PARP8: variants seen among roughly 807,000 people sequenced by gnomAD.
PARP8 encodes the protein poly(ADP-ribose) polymerase family member 8, also known as protein mono-ADP-ribosyltransferase PARP8.
Under a neutral mutation model 124.1 loss-of-function variants are expected in PARP8, and 51 were observed. That is an observed-to-expected ratio of 0.41 (90% confidence interval 0.33 to 0.52). PARP8 has a LOEUF of 0.52. PARP8 is among the 20% of genes least tolerant of loss of function. The pLI, the probability that PARP8 is intolerant of heterozygous loss-of-function variation, is 0.21. For synonymous variants in PARP8, 391 were observed against 361.5 expected, an observed-to-expected ratio of 1.08 and a Z score of -0.93; for missense variants, 860 against 1,018.9, an observed-to-expected ratio of 0.84 and a Z score of 2.12.
intron 2 of PARP8, among the ~76,000 whole-genome samples, chr5:50,680,072 A>G (rs1191017230): frequency 6.6e-6 from 1 of 152,182 alleles, no homozygotes; most frequent in Non-Finnish European, 1.5e-5. Flanking sequence ...GTTTGAGGAA[A>G]GTGTCTGTTT....
chr5:50,779,207 A>G (rs1580314362), intron 9 of PARP8, among the ~76,000 whole-genome samples: 1 of 151,910 alleles, frequency 6.6e-6, no homozygotes, highest in East Asian at 1.9e-4. Context: ...ACACACACAC[A>G]TGCATGCACA....
intron 18 of PARP8, among the ~76,000 whole-genome samples, chr5:50,826,421 T>C (rs993099468): frequency 6.6e-5 from 10 of 152,120 alleles, no homozygotes; most frequent in Non-Finnish European, 1.2e-4. Context: ...CTGCTCTTAT[T>C]TGTATTTGGA....
chr5:50,750,921 A>AG (rs1483063287), intron 3 of PARP8, among the ~76,000 whole-genome samples: 1 of 151,836 alleles, frequency 6.6e-6, no homozygotes, highest in Non-Finnish European at 1.5e-5. Context: ...ATTTATAAGA[A>AG]AAATACTTTT....
chr5:50,797,063 A>C (rs1324324094), intron 13 of PARP8, 31 bp downstream of exon 13: 1 of 1,611,876 alleles, frequency 6.2e-7, no homozygotes, highest in Non-Finnish European at 8.5e-7. Flanking sequence ...CATTGTACAA[A>C]TATTTTAGTT....
In PARP8 at chr5:50,832,764, T is replaced by C. The variant is rs75350920; in HGVS notation, c.2234-17T>C. ...GACAGCTTTGTCCCTAAATTATTAT[T>C]TTGCCGATGTTTTCAGGGATGAACA... On this transcript the variant is annotated splice_polypyrimidine_tract_variant and intron_variant, in intron 22 of 25. Coordinates refer to ENST00000281631, the MANE Select transcript of PARP8 (RefSeq NM_024615.4). 9 of 1,612,676 alleles carry C rather than the reference T, an allele frequency of 5.6e-6. No homozygotes were observed. The East Asian group carries it at 2.0e-4, about 36-fold the overall frequency.
intron 2 of PARP8, among the ~76,000 whole-genome samples, chr5:50,706,039 A>G (rs1012860677): frequency 6.6e-6 from 1 of 152,168 alleles, no homozygotes; most frequent in African/African-American, 2.4e-5. Flanking sequence ...GGATTAAGAT[A>G]TGCTCCTGCT....
Position 50,828,237 on chromosome 5 carries a change from A to T in PARP8, c.2091-75A>T, listed in dbSNP as rs188995712. 5.0e-5 allele frequency: 71 copies of T among 1,433,454 alleles called. No homozygotes were observed. The African/African-American group carries it at 9.3e-4, about 19-fold the overall frequency. 88.8% of individuals were successfully genotyped at this position (1,433,454 alleles called of 1,614,324 possible). A position where few individuals can be genotyped will look rare whatever the true frequency, so the allele number is the denominator to read the frequency against. On this transcript the variant is annotated intron_variant, in intron 20 of 25. Coordinates refer to ENST00000281631, the MANE Select transcript of PARP8 (RefSeq NM_024615.4). ...TCCAGAACCTTCAGAAGGCACCATG[A>T]CTTATTATGTTTTGACCACTTTGAA...
chr5:50,818,331 C>A (rs551419071), intron 15 of PARP8, among the ~76,000 whole-genome samples: 1 of 152,034 alleles, frequency 6.6e-6, no homozygotes, highest in Non-Finnish European at 1.5e-5. Flanking sequence ...TGGGTTCAAG[C>A]GATTCTCCTG....
At chr5:50,800,026 G>C (rs1743024970) in intron 14 of PARP8, among the ~76,000 whole-genome samples, 2 of 152,184 alleles carry the variant, frequency 1.3e-5, no homozygotes, top group Admixed American at 1.3e-4. Flanking sequence ...AGCCGGAATA[G>C]ACCAAGACAT....
intron 20 of PARP8, 93 bp downstream of exon 20, chr5:50,828,149 A>T: frequency 8.6e-7 from 1 of 1,160,440 alleles, no homozygotes; most frequent in South Asian, 1.3e-5. Flanking sequence ...GTAAATGATC[A>T]TTCAGTAGAT....
chr5:50,822,979 C>T (rs1294538818), intron 17 of PARP8, among the ~76,000 whole-genome samples: 1 of 152,304 alleles, frequency 6.6e-6, no homozygotes, highest in Admixed American at 6.5e-5. Context: ...AAAGCACACA[C>T]TGTTGAATTA....
At chr5:50,779,482 A>G (rs908667929) in intron 9 of PARP8, among the ~76,000 whole-genome samples, 3 of 152,154 alleles carry the variant, frequency 2.0e-5, no homozygotes, top group African/African-American at 7.2e-5. Flanking sequence ...CTAGGGACTC[A>G]CCTGAGGCTT....
At chr5:50,789,084 G>A (rs1460541940) in intron 10 of PARP8, among the ~76,000 whole-genome samples, 1 of 152,088 alleles carries the variant, frequency 6.6e-6, no homozygotes, top group Non-Finnish European at 1.5e-5. Context: ...CCCAGAGGTG[G>A]TATCAGTTTA....
In PARP8 at chr5:50,795,054, A is replaced by G. The variant is rs746064993; in HGVS notation, c.1065A>G (p.Thr355=). 1 of 1,614,206 alleles carries G rather than the reference A, an allele frequency of 6.2e-7. No homozygotes were observed. Among genetic ancestry groups the G allele is most frequent in the South Asian group, 1.1e-5 (1 of 91,086 alleles). ...ATCCCAGGGCGGAGCAGGCTATGAC[A>G]GCAATTAAATCGCACAAACTTTTGA... ...SSDPRAEQAM[T]AIKSHKLLNR... is the part of the protein sequence containing the mutation. Residue 355 remains threonine, a synonymous_variant, in exon 12 of 26, where the codon ACA becomes ACG. Coordinates refer to ENST00000281631, the MANE Select transcript of PARP8 (RefSeq NM_024615.4).
intron 2 of PARP8, chr5:50,669,364 T>G (rs542385240): frequency 1.3e-5 from 2 of 152,356 alleles, no homozygotes; most frequent in South Asian, 4.1e-4. Flanking sequence ...TAAAGGATCT[T>G]CGTATATGAC....
At chr5:50,697,306 T>G (rs1291685545) in intron 2 of PARP8, among the ~76,000 whole-genome samples, 2 of 152,108 alleles carry the variant, frequency 1.3e-5, no homozygotes, top group Non-Finnish European at 2.9e-5. Context: ...TTCATATCCT[T>G]CGGAATAAAA....
At chr5:50,673,372 A>G (rs559128390) in intron 2 of PARP8, among the ~76,000 whole-genome samples, 2 of 152,196 alleles carry the variant, frequency 1.3e-5, no homozygotes, top group Non-Finnish European at 2.9e-5. Context: ...TTGTATTAAA[A>G]TTTAAACTCC....
chr5:50,755,737 T>C (rs1365861002), intron 3 of PARP8, among the ~76,000 whole-genome samples: 1 of 152,178 alleles, frequency 6.6e-6, no homozygotes, highest in Non-Finnish European at 1.5e-5. Context: ...GGTAGCTTGA[T>C]GGGGATGGCA....
chr5:50,828,238 C>CT (rs1746561286), intron 20 of PARP8, 74 bp from the exon 21 acceptor site: 1 of 1,442,398 alleles, frequency 6.9e-7, no homozygotes, highest in African/African-American at 1.4e-5. Context: ...GGCACCATGA[C>CT]TTATTATGTT....
Sources: allele counts gnomAD v4.1 joint callset (sites outside exome capture counted in the v4.1 genomes callset), GRCh38; gene constraint gnomAD v4.1.1; transcripts MANE v1.5; gene names NCBI Gene and HGNC (gene_info 2026-07-23, HGNC 2026-07-21).